Variants in TMBIM6 observed in about 807,000 individuals in gnomAD.
TMBIM6 encodes the protein transmembrane BAX inhibitor motif containing 6.
TMBIM6 carries 13 observed loss-of-function variants against 31.4 expected under a neutral mutation model. The observed-to-expected ratio is 0.41, with a 90% CI of 0.27 to 0.66. TMBIM6 has a LOEUF of 0.66. Among genes scored for constraint, TMBIM6 ranks in the 30% least tolerant of loss-of-function variants. TMBIM6 has a pLI of 0.28. For synonymous variants in TMBIM6, 85 were observed against 101.7 expected, an observed-to-expected ratio of 0.84 and a Z score of 0.99; for missense variants, 275 against 289.5, an observed-to-expected ratio of 0.95 and a Z score of 0.36.
chr12:49,745,649 C>T (rs1401918871), intron 1 of TMBIM6, among the ~76,000 whole-genome samples: 2 of 150,828 alleles, frequency 1.3e-5, no homozygotes, highest in Non-Finnish European at 2.9e-5. Context: ...CACTTGAACC[C>T]AGGAGGCAGA....
At chr12:49,760,699 G>C (rs1333327959) in intron 8 of TMBIM6, among the ~76,000 whole-genome samples, 1 of 152,052 alleles carries the variant, frequency 6.6e-6, no homozygotes, top group Non-Finnish European at 1.5e-5. Context: ...ACCACGTCCA[G>C]CTAATTTCTG....
intron 1 of TMBIM6, chr12:49,750,613 C>G (rs951615639): frequency 6.6e-6 from 1 of 152,186 alleles, no homozygotes; most frequent in Non-Finnish European, 1.5e-5. Flanking sequence ...GGCCCAGATC[C>G]GTGTGACTCA....
rs543659733 is a variant in TMBIM6 at position 49,752,622 on chromosome 12, T to C, written c.56+73T>C. The C allele has an allele frequency of 8.3e-5, 109 of 1,319,234 alleles. 1 individual carries two copies. In the African/African-American group the frequency reaches 1.4e-3, roughly 17 times the overall value. 81.7% of individuals were successfully genotyped at this position (1,319,234 alleles called of 1,614,324 possible). ...TCTCTTTGTCCCTTTTCTGCATTTA[T>C]AACTTTTGTGTGTATAAGCTAACAA... On this transcript the variant is annotated intron_variant, in intron 2 of 9. Coordinates refer to ENST00000267115, the MANE Select transcript of TMBIM6 (RefSeq NM_003217.3).
chr12:49,757,680 G>A (rs1358478216), intron 4 of TMBIM6, among the ~76,000 whole-genome samples: 1 of 152,210 alleles, frequency 6.6e-6, no homozygotes, highest in Non-Finnish European at 1.5e-5. Context: ...GTTTTTGAAG[G>A]CATTAAGGGG....
chr12:49,748,674 C>G (rs959034295), intron 1 of TMBIM6, among the ~76,000 whole-genome samples: 2 of 152,212 alleles, frequency 1.3e-5, no homozygotes, highest in African/African-American at 4.8e-5. Context: ...TGAACATTTA[C>G]TTTTCAGTTA....
chr12:49,763,195 G>T lies in TMBIM6; in HGVS notation c.*299G>T. 1 of 298,812 alleles carries T rather than the reference G, an allele frequency of 3.3e-6. No individual in the cohort carries two copies. The highest frequency in any genetic ancestry group is 6.4e-6 in the Non-Finnish European group (1 of 156,124). 18.5% of individuals were successfully genotyped at this position (298,812 alleles called of 1,614,324 possible). A position where few individuals can be genotyped will look rare whatever the true frequency, so the allele number is the denominator to read the frequency against. On this transcript the variant is annotated 3_prime_UTR_variant, in exon 10 of 10. Coordinates refer to ENST00000267115, the MANE Select transcript of TMBIM6 (RefSeq NM_003217.3). ...CGATGAGAAGTGGGACCAGCAGAGG[G>T]CGCCAACTTCAGGAGTCCGCTTTCC...
At chr12:49,748,985 TA>T (rs1277718325) in intron 1 of TMBIM6, among the ~76,000 whole-genome samples, 2 of 152,234 alleles carry the variant, frequency 1.3e-5, no homozygotes, top group African/African-American at 4.8e-5. Context: ...TTCAAGCTCT[TA>T]AGAGCTGATT....
chr12:49,754,503 G>A (rs1592727635), intron 3 of TMBIM6, among the ~76,000 whole-genome samples: 1 of 152,258 alleles, frequency 6.6e-6, no homozygotes, highest in East Asian at 1.9e-4. Context: ...ACATATAAAA[G>A]CAAGGTATCT....
chr12:49,754,140 G>C (rs967174980), intron 3 of TMBIM6, among the ~76,000 whole-genome samples: 3 of 152,014 alleles, frequency 2.0e-5, no homozygotes, highest in African/African-American at 7.3e-5. Flanking sequence ...GTATTTTTGT[G>C]CTTTTAATTG....
At chr12:49,759,092 C>A in intron 7 of TMBIM6, 129 bp from the exon 8 acceptor site, 1 of 784,362 alleles carries the variant, frequency 1.3e-6, no homozygotes. Flanking sequence ...CTGCAGTTCT[C>A]GTGAATGGTA....
intron 3 of TMBIM6, among the ~76,000 whole-genome samples, chr12:49,754,331 G>C (rs1363871284): frequency 1.3e-5 from 2 of 152,174 alleles, no homozygotes; most frequent in Admixed American, 1.3e-4. Flanking sequence ...CTGAAGTGCT[G>C]TCTAGTATTC....
rs372622355 is a variant in TMBIM6, at chr12:49,749,435, A to ATTTTTTTTTTTTT, written c.-30-3024_-30-3023insTTTTTTTTTTTTT. ...GTAAGTCCTTTTCTTTTTGTAAGTC[A>ATTTTTTTTTTTTT]TTTTTGTTTTTTTTTGAAACGGAGT... On this transcript the variant is annotated intron_variant, in intron 1 of 9. Coordinates refer to ENST00000267115, the MANE Select transcript of TMBIM6 (RefSeq NM_003217.3). Among the ~76,000 whole-genome samples, 521 of 136,296 alleles carry ATTTTTTTTTTTTT rather than the reference A, an allele frequency of 3.8e-3. 21 individuals carry two copies. The highest frequency in any genetic ancestry group is 0.016 in the African/African-American group (502 of 32,282). 89.4% of individuals were successfully genotyped at this position (136,296 alleles called of 152,430 possible).
At position 49,763,404 on chromosome 12, in the gene TMBIM6, A is replaced by G. The variant is rs1945757553; in HGVS notation, c.*508A>G. Reference sequence around the variant, plus strand: ...AAATCTCAACTGTCAGGCCCTACAAAGAAAATGGAGAGCCTCTTCTGGTGG... The same window carrying G: ...AAATCTCAACTGTCAGGCCCTACAAGGAAAATGGAGAGCCTCTTCTGGTGG... On this transcript the variant is annotated 3_prime_UTR_variant, in exon 10 of 10. Coordinates refer to ENST00000267115, the MANE Select transcript of TMBIM6 (RefSeq NM_003217.3). 1 of 153,144 alleles carries G rather than the reference A, an allele frequency of 6.5e-6. No homozygotes were observed. The highest frequency in any genetic ancestry group is 2.0e-4 in the South Asian group (1 of 4,914). 9.5% of individuals were successfully genotyped at this position (153,144 alleles called of 1,614,324 possible).
chr12:49,744,841 G>C lies in TMBIM6; in HGVS notation c.-31+3230G>C, dbSNP rs1333498584. Among the ~76,000 whole-genome samples the C allele has an allele frequency of 2.0e-5, 3 of 152,170 alleles. No homozygotes were observed. In the East Asian group the frequency reaches 5.8e-4, roughly 29 times the overall value. On this transcript the variant is annotated intron_variant, in intron 1 of 9. Coordinates refer to ENST00000267115, the MANE Select transcript of TMBIM6 (RefSeq NM_003217.3). Reference sequence around the variant, plus strand: ...TGGTGTTATTAGGGAGGGATTACTGGTTTATACTGGAAGAAGATTATGTAT... The same window carrying C: ...TGGTGTTATTAGGGAGGGATTACTGCTTTATACTGGAAGAAGATTATGTAT...
intron 1 of TMBIM6, among the ~76,000 whole-genome samples, chr12:49,748,688 A>G (rs1945440117): frequency 6.6e-6 from 1 of 152,184 alleles, no homozygotes; most frequent in Admixed American, 6.5e-5. Flanking sequence ...TCAGTTACAA[A>G]CGCAGTATAG....
Position 49,761,783 on chromosome 12 carries a change from A to T in TMBIM6, c.690+4A>T. The T allele has an allele frequency of 6.2e-7, 1 of 1,614,100 alleles. No individual in the cohort carries two copies. The highest frequency in any genetic ancestry group is 8.5e-7 in the Non-Finnish European group (1 of 1,179,922). ...GATCCTGGCCATGAATGAAAAGGTT[A>T]GTTAGCCTACAACCCAAAGATGAGA... On this transcript the variant is annotated splice_donor_region_variant and intron_variant, in intron 9 of 9. Coordinates refer to ENST00000267115, the MANE Select transcript of TMBIM6 (RefSeq NM_003217.3).
In TMBIM6 at chr12:49,764,290, C is replaced by T. The variant is rs941062570; in HGVS notation, c.*1394C>T. ...CTACAGAGCTTCAGTGTGAGAGGAT[C>T]GAGCCATTGAAAGCTCATTACCAGT... On this transcript the variant is annotated 3_prime_UTR_variant, in exon 10 of 10. Transcript: ENST00000267115. 1 of 152,132 alleles carries T rather than the reference C, an allele frequency of 6.6e-6. No homozygotes were observed. Among genetic ancestry groups the T allele is most frequent in the Non-Finnish European group, 1.5e-5 (1 of 68,050 alleles). 9.4% of individuals were successfully genotyped at this position (152,132 alleles called of 1,614,324 possible).
chr12:49,758,862 G>C, intron 7 of TMBIM6, 100 bp downstream of exon 7: 1 of 1,041,114 alleles, frequency 9.6e-7, no homozygotes, highest in East Asian at 2.4e-5. Flanking sequence ...ACTTTGGGCA[G>C]TGCTCTCTAA....
chr12:49,761,873 T>A, intron 9 of TMBIM6, 94 bp downstream of exon 9: 1 of 1,225,582 alleles, frequency 8.2e-7, no homozygotes, highest in Non-Finnish European at 1.2e-6. Flanking sequence ...TCACACACTG[T>A]GTTAGGTCCA....
Sources: gnomAD v4.1 joint callset for allele counts (sites outside exome capture counted in the v4.1 genomes callset) on GRCh38, gnomAD v4.1.1 for gene constraint, MANE v1.5 for transcripts, NCBI Gene and HGNC (gene_info 2026-07-23, HGNC 2026-07-21) for gene names.